RSBN1L: variants seen among roughly 807,000 people sequenced by gnomAD.
RSBN1L encodes lysine-specific demethylase RSBN1L.
Under a neutral mutation model 67.7 loss-of-function variants are expected in RSBN1L, and 30 were observed. That is an observed-to-expected ratio of 0.44 (90% CI 0.33 to 0.60). The LOEUF is 0.60. Among genes scored for constraint, RSBN1L ranks in the 20% least tolerant of loss-of-function variants. RSBN1L has a pLI of 0.02. For missense variants in RSBN1L, 992 were observed against 1,031.7 expected, an observed-to-expected ratio of 0.96 and a Z score of 0.53; for synonymous variants, 433 against 387.0, an observed-to-expected ratio of 1.12 and a Z score of -1.39.
intron 3 of RSBN1L, among the ~76,000 whole-genome samples, chr7:77,763,495 TGATA>T (rs1791722414): frequency 6.6e-6 from 1 of 152,210 alleles, no homozygotes; most frequent in South Asian, 2.1e-4. Flanking sequence ...TTAGCTTCTT[TGATA>T]GACTGCATTA....
Position 77,701,466 on chromosome 7 carries a change from T to G in RSBN1L, c.586+4411T>G, listed in dbSNP as rs1790817277. 4.6e-5 allele frequency among the ~76,000 whole-genome samples: 7 copies of G among 152,284 alleles called. No individual in the cohort carries two copies. In the South Asian group the frequency reaches 1.4e-3, roughly 32 times the overall value. Reference sequence around the variant, plus strand: ...TGGAAATAATTTTCCCTCAAAAGTTTGAAGGTGGTGTTCCCTTATTGCCTG... The same window carrying G: ...TGGAAATAATTTTCCCTCAAAAGTTGGAAGGTGGTGTTCCCTTATTGCCTG... On this transcript the variant is annotated intron_variant, in intron 1 of 7. Transcript: ENST00000334955.
intron 1 of RSBN1L, among the ~76,000 whole-genome samples, chr7:77,703,709 A>G (rs2150411464): frequency 6.6e-6 from 1 of 151,988 alleles, no homozygotes; most frequent in East Asian, 1.9e-4. Flanking sequence ...GCTGGTCTCG[A>G]ACTCCTAACC....
chr7:77,778,815 G>A lies in RSBN1L; in HGVS notation c.2188G>A (p.Val730Ile), dbSNP rs1562812600. The A allele has an allele frequency of 6.2e-7, 1 of 1,614,124 alleles. No individual in the cohort carries two copies. Among genetic ancestry groups the A allele is most frequent in the East Asian group, 2.2e-5 (1 of 44,870 alleles). The change falls in exon 8 of 8, where the codon GTA becomes ATA. Residue 730 changes from valine to isoleucine, a missense_variant. Coordinates refer to ENST00000334955, the MANE Select transcript of RSBN1L (RefSeq NM_198467.3). Reference protein sequence around the residue: ...GPHTDNMICAVSKASLDSVFS... With the variant: ...GPHTDNMICAISKASLDSVFS... ...TCACACTGACAACATGATTTGTGCT[G>A]TAAGCAAAGCCTCCTTGGATTCTGT...
At chr7:77,768,478 A>G (rs1454490336) in intron 4 of RSBN1L, 183 bp from the exon 5 acceptor site, 40 of 568,852 alleles carry the variant, frequency 7.0e-5, no homozygotes, top group Non-Finnish European at 1.1e-4. Context: ...GGTGTGTTTG[A>G]AACAGTTTTT....
At chr7:77,759,123 A>G (rs1376589468) in intron 3 of RSBN1L, among the ~76,000 whole-genome samples, 4 of 152,244 alleles carry the variant, frequency 2.6e-5, no homozygotes, top group Admixed American at 2.6e-4. Flanking sequence ...GGGGCAGAAC[A>G]CTAGCATTTG....
chr7:77,700,408 C>G (rs1189466406), intron 1 of RSBN1L, among the ~76,000 whole-genome samples: 1 of 152,154 alleles, frequency 6.6e-6, no homozygotes, highest in African/African-American at 2.4e-5. Context: ...TAAAATGACC[C>G]TGTGAAGTAT....
intron 1 of RSBN1L, among the ~76,000 whole-genome samples, chr7:77,715,390 G>C (rs544943441): frequency 6.6e-6 from 1 of 152,114 alleles, no homozygotes; most frequent in Non-Finnish European, 1.5e-5. Flanking sequence ...GAGTGTAGTG[G>C]TGTGATCTCG....
chr7:77,699,713 A>G (rs892209946), intron 1 of RSBN1L, among the ~76,000 whole-genome samples: 3 of 152,158 alleles, frequency 2.0e-5, no homozygotes, highest in Admixed American at 2.0e-4. Context: ...TAATCATAGT[A>G]CTGTAGCTGA....
chr7:77,707,428 A>T (rs1319896429), intron 1 of RSBN1L, among the ~76,000 whole-genome samples: 1 of 152,146 alleles, frequency 6.6e-6, no homozygotes, highest in Admixed American at 6.6e-5. Flanking sequence ...AATATATAAT[A>T]CCTTTTTATT....
At chr7:77,724,432 CTTTT>C (rs557313211) in intron 1 of RSBN1L, among the ~76,000 whole-genome samples, 1 of 136,432 alleles carries the variant, frequency 7.3e-6, no homozygotes, top group Non-Finnish European at 1.6e-5. Context: ...TTTCTTTTTT[CTTTT>C]TTTTTTTTTT....
chr7:77,761,320 A>G (rs914151992), intron 3 of RSBN1L, among the ~76,000 whole-genome samples: 1 of 152,156 alleles, frequency 6.6e-6, no homozygotes, highest in Non-Finnish European at 1.5e-5. Flanking sequence ...GATTGTGCCT[A>G]ATATAGGAAC....
At chr7:77,760,187 A>C (rs1469271649) in intron 3 of RSBN1L, among the ~76,000 whole-genome samples, 2 of 152,194 alleles carry the variant, frequency 1.3e-5, no homozygotes, top group Non-Finnish European at 2.9e-5. Flanking sequence ...CCCACCTCAG[A>C]ATCCTAAAGT....
At chr7:77,728,563 C>T (rs375691870) in intron 1 of RSBN1L, among the ~76,000 whole-genome samples, 28 of 152,300 alleles carry the variant, frequency 1.8e-4, no homozygotes, top group South Asian at 6.2e-4. Flanking sequence ...CAACAGCCAC[C>T]CTGATTTGGC....
At chr7:77,699,796 A>ATT (rs374246949) in intron 1 of RSBN1L, among the ~76,000 whole-genome samples, 19 of 142,714 alleles carry the variant, frequency 1.3e-4, no homozygotes, top group South Asian at 2.2e-4. Flanking sequence ...AACAGTTTAG[A>ATT]TTTTTTTTTT....
chr7:77,765,945 A>G (rs1168643498), intron 4 of RSBN1L, among the ~76,000 whole-genome samples: 3 of 152,210 alleles, frequency 2.0e-5, no homozygotes, highest in Non-Finnish European at 2.9e-5. Flanking sequence ...TGTGTTTATC[A>G]GCTCTTTGTA....
chr7:77,756,997 C>G (rs1047814578), intron 3 of RSBN1L, among the ~76,000 whole-genome samples: 10 of 152,176 alleles, frequency 6.6e-5, no homozygotes, highest in African/African-American at 2.4e-5. Context: ...GGAACCCAAA[C>G]CAAGTTCATG....
intron 6 of RSBN1L, among the ~76,000 whole-genome samples, chr7:77,776,719 AATTCAGCCTTCT>A: frequency 6.8e-6 from 1 of 147,832 alleles, no homozygotes; most frequent in African/African-American, 2.4e-5. Flanking sequence ...TAATATAGCC[AATTCAGCCTTCT>A]TCTTATTTGT....
At chr7:77,777,569 T>C (rs1440826555) in intron 6 of RSBN1L, among the ~76,000 whole-genome samples, 1 of 152,084 alleles carries the variant, frequency 6.6e-6, no homozygotes, top group Non-Finnish European at 1.5e-5. Context: ...CAGGCTTGCA[T>C]TGTCTTTGAT....
intron 5 of RSBN1L, among the ~76,000 whole-genome samples, chr7:77,772,870 G>A (rs1005545336): frequency 6.6e-6 from 1 of 152,088 alleles, no homozygotes; most frequent in Admixed American, 6.6e-5. Context: ...CCAAACCCCA[G>A]GTAAAGATTC....
Sources: allele counts gnomAD v4.1 joint callset (sites outside exome capture counted in the v4.1 genomes callset), GRCh38; gene constraint gnomAD v4.1.1; transcripts MANE v1.5; gene names NCBI Gene and HGNC (gene_info 2026-07-23, HGNC 2026-07-21).